RGS20: variants seen among roughly 807,000 people sequenced by gnomAD.
RGS20 encodes the protein gz-selective GTPase-activating protein.
RGS20 carries 30 observed loss-of-function variants against 33.6 expected under a neutral mutation model. The ratio of observed to expected loss-of-function variants is 0.89; its 90% CI spans 0.67 to 1.21. The LOEUF is 1.21. RGS20 is among the 50% of genes most tolerant of loss of function. The pLI, the probability that RGS20 is intolerant of heterozygous loss-of-function variation, is 0.00. For missense variants in RGS20, 472 were observed against 502.4 expected, an observed-to-expected ratio of 0.94 and a Z score of 0.58; for synonymous variants, 208 against 197.9, an observed-to-expected ratio of 1.05 and a Z score of -0.43.
At chr8:53,916,127 A>G (rs1301350740) in intron 2 of RGS20, among the ~76,000 whole-genome samples, 1 of 152,096 alleles carries the variant, frequency 6.6e-6, no homozygotes, top group African/African-American at 2.4e-5. Flanking sequence ...GGCTCAAGGG[A>G]TCCTCCCACC....
At chr8:53,949,323 T>C (rs890537995) in intron 4 of RGS20, among the ~76,000 whole-genome samples, 49 of 147,834 alleles carry the variant, frequency 3.3e-4, no homozygotes, top group African/African-American at 1.2e-3. Context: ...TATATATATT[T>C]ATTGGTCATT....
At chr8:53,895,086 C>T (rs1267387485) in intron 2 of RGS20, among the ~76,000 whole-genome samples, 1 of 152,010 alleles carries the variant, frequency 6.6e-6, no homozygotes, top group Non-Finnish European at 1.5e-5. Flanking sequence ...GATGGGGCCG[C>T]CAGCCTAGGA....
At chr8:53,881,586 C>T (rs1191381371) in intron 2 of RGS20, among the ~76,000 whole-genome samples, 2 of 151,990 alleles carry the variant, frequency 1.3e-5, no homozygotes, top group African/African-American at 4.8e-5. Context: ...AATCGTAGCG[C>T]CTCCTTTTAG....
At chr8:53,947,996 T>C (rs1248469796) in intron 4 of RGS20, among the ~76,000 whole-genome samples, 1 of 136,374 alleles carries the variant, frequency 7.3e-6, no homozygotes, top group African/African-American at 2.7e-5. Flanking sequence ...TATATATTTA[T>C]ATATGCTATA....
chr8:53,926,170 AC>A (rs1420248894), intron 2 of RGS20, among the ~76,000 whole-genome samples: 1 of 152,174 alleles, frequency 6.6e-6, no homozygotes, highest in African/African-American at 2.4e-5. Flanking sequence ...TGTTCACACC[AC>A]TGTACTGCAG....
chr8:53,889,207 T>G (rs1327493910), intron 2 of RGS20, among the ~76,000 whole-genome samples: 1 of 152,134 alleles, frequency 6.6e-6, no homozygotes, highest in Non-Finnish European at 1.5e-5. Flanking sequence ...TACTTAGTAT[T>G]GTTTGCCCAT....
At chr8:53,945,006 C>T (rs867353928) in intron 3 of RGS20, among the ~76,000 whole-genome samples, 1 of 152,184 alleles carries the variant, frequency 6.6e-6, no homozygotes, top group Non-Finnish European at 1.5e-5. Context: ...TCAAATATTA[C>T]CATGTGAAAT....
At chr8:53,904,334 G>A (rs906232953) in intron 2 of RGS20, among the ~76,000 whole-genome samples, 1 of 152,114 alleles carries the variant, frequency 6.6e-6, no homozygotes, top group East Asian at 1.9e-4. Flanking sequence ...ATTTCGCCAT[G>A]TTGGCCAGGC....
At chr8:53,888,437 AACC>A (rs958649296) in intron 2 of RGS20, among the ~76,000 whole-genome samples, 2 of 152,184 alleles carry the variant, frequency 1.3e-5, no homozygotes, top group Non-Finnish European at 2.9e-5. Context: ...ACCCCCACAG[AACC>A]ACCATTTAGA....
chr8:53,891,489 C>T (rs977942829), intron 2 of RGS20, among the ~76,000 whole-genome samples: 1 of 151,958 alleles, frequency 6.6e-6, no homozygotes, highest in Admixed American at 6.6e-5. Context: ...GGTGTGGTGG[C>T]GTGTGCCTGT....
chr8:53,958,161 CAAAAACA>C (rs1801319907), intron 5 of RGS20, 102 bp from the exon 5 acceptor site: 1 of 831,610 alleles, frequency 1.2e-6, no homozygotes, highest in African/African-American at 1.8e-5. Flanking sequence ...ACAAAAAAAC[CAAAAACA>C]AAAAACAAAA....
intron 2 of RGS20, among the ~76,000 whole-genome samples, chr8:53,899,306 C>T (rs572579898): frequency 3.9e-5 from 6 of 152,272 alleles, no homozygotes; most frequent in Admixed American, 2.0e-4. Context: ...GAAAGGGGAA[C>T]GACTTAGCCA....
intron 2 of RGS20, among the ~76,000 whole-genome samples, chr8:53,935,257 A>G (rs1814096282): frequency 6.6e-6 from 1 of 152,186 alleles, no homozygotes; most frequent in Non-Finnish European, 1.5e-5. Context: ...GATAACTAAG[A>G]TCAGAGCAGA....
intron 2 of RGS20, among the ~76,000 whole-genome samples, chr8:53,911,483 A>G (rs902882224): frequency 2.6e-5 from 4 of 152,204 alleles, no homozygotes; most frequent in African/African-American, 9.6e-5. Context: ...ACCAAATAAC[A>G]TGTACAAGTT....
At chr8:53,883,220 G>T (rs1156375977) in intron 2 of RGS20, among the ~76,000 whole-genome samples, 1 of 151,094 alleles carries the variant, frequency 6.6e-6, no homozygotes. Flanking sequence ...GCAATGGCGC[G>T]ATCTCGGCTC....
intron 2 of RGS20, among the ~76,000 whole-genome samples, chr8:53,928,763 C>T (rs972567379): frequency 2.6e-5 from 4 of 151,178 alleles, no homozygotes; most frequent in East Asian, 1.9e-4. Context: ...GCAGAGGTTG[C>T]GGTAAGCTGA....
chr8:53,916,819 G>C (rs1261612143), intron 2 of RGS20, among the ~76,000 whole-genome samples: 4 of 152,132 alleles, frequency 2.6e-5, no homozygotes, highest in South Asian at 4.1e-4. Flanking sequence ...TCAAGGCACT[G>C]GCAGATAGGT....
intron 1 of RGS20, among the ~76,000 whole-genome samples, chr8:53,868,502 G>A (rs1585867758): frequency 1.3e-5 from 2 of 152,176 alleles, no homozygotes; most frequent in East Asian, 3.9e-4. Context: ...GGGGGCAGGA[G>A]GGAGTAGTTA....
At chr8:53,947,286 AT>A (rs532520296) in intron 4 of RGS20, among the ~76,000 whole-genome samples, 2 of 141,186 alleles carry the variant, frequency 1.4e-5, no homozygotes, top group East Asian at 2.0e-4. Context: ...TAGCATATAT[AT>A]TTATACATGC....
Sources: gnomAD v4.1 joint callset for allele counts (sites outside exome capture counted in the v4.1 genomes callset) on GRCh38, gnomAD v4.1.1 for gene constraint, MANE v1.5 for transcripts, NCBI Gene and HGNC (gene_info 2026-07-23, HGNC 2026-07-21) for gene names.